COX10: variants seen among roughly 807,000 people sequenced by gnomAD.
COX10 encodes cytochrome c oxidase assembly factor heme A:farnesyltransferase COX10.
In COX10, 27 loss-of-function variants were observed where a neutral mutation model predicts 37.3. The observed-to-expected ratio is 0.72, with a 90% CI of 0.53 to 1.00. The LOEUF is 1.00. Ranked by LOEUF, COX10 falls within the 50% of genes least tolerant of loss-of-function variation. The pLI, the probability that COX10 is intolerant of heterozygous loss-of-function variation, is 0.00. For synonymous variants in COX10, 222 were observed against 229.1 expected, an observed-to-expected ratio of 0.97 and a Z score of 0.28; for missense variants, 475 against 563.2, an observed-to-expected ratio of 0.84 and a Z score of 1.59.
At chr17:14,125,997 G>A (rs576955369) in intron 4 of COX10, among the ~76,000 whole-genome samples, 13 of 152,212 alleles carry the variant, frequency 8.5e-5, no homozygotes, top group East Asian at 7.7e-4. Flanking sequence ...TGTTTGCCAC[G>A]GAGAACTCTC....
At chr17:14,189,154 C>T (rs1906126827) in intron 5 of COX10, among the ~76,000 whole-genome samples, 1 of 146,542 alleles carries the variant, frequency 6.8e-6, no homozygotes, top group South Asian at 2.2e-4. Flanking sequence ...GAAAGCCCTG[C>T]TCTTGTCTGC....
intron 5 of COX10, among the ~76,000 whole-genome samples, chr17:14,169,199 C>T (rs978035040): frequency 6.6e-6 from 1 of 152,214 alleles, no homozygotes; most frequent in African/African-American, 2.4e-5. Context: ...ATCTCTAGGG[C>T]AGGGGCATAA....
At chr17:14,082,013 G>C (rs985669658) in intron 3 of COX10, among the ~76,000 whole-genome samples, 2 of 152,224 alleles carry the variant, frequency 1.3e-5, no homozygotes, top group African/African-American at 4.8e-5. Flanking sequence ...GCAGGGGGCT[G>C]TGAAAGGCAA....
chr17:14,149,014 ATATATT>A (rs527540284), intron 4 of COX10, among the ~76,000 whole-genome samples: 44 of 148,498 alleles, frequency 3.0e-4, no homozygotes, highest in African/African-American at 1.1e-3. Context: ...ATATATAACA[ATATATT>A]TATAATATAT....
intron 5 of COX10, among the ~76,000 whole-genome samples, chr17:14,181,491 G>A (rs370988590): frequency 6.6e-6 from 1 of 151,728 alleles, no homozygotes; most frequent in Non-Finnish European, 1.5e-5. Flanking sequence ...AAGCAGCAGA[G>A]ATGGATAGTT....
intron 3 of COX10, among the ~76,000 whole-genome samples, chr17:14,091,555 A>AAT (rs1421224010): frequency 6.6e-6 from 1 of 152,210 alleles, no homozygotes; most frequent in Admixed American, 6.6e-5. Context: ...ATGATACATT[A>AAT]ATATATATGT....
intron 4 of COX10, among the ~76,000 whole-genome samples, chr17:14,150,797 T>C (rs1904872561): frequency 6.6e-6 from 1 of 152,182 alleles, no homozygotes; most frequent in African/African-American, 2.4e-5. Flanking sequence ...AGAAGGCAGG[T>C]GCAGTACAAG....
At chr17:14,193,667 T>A (rs1486637603) in intron 6 of COX10, among the ~76,000 whole-genome samples, 2 of 146,186 alleles carry the variant, frequency 1.4e-5, no homozygotes, top group African/African-American at 5.0e-5. Flanking sequence ...ATCTGCGTGT[T>A]CATCCTGGTT....
intron 5 of COX10, among the ~76,000 whole-genome samples, chr17:14,173,063 A>G (rs144933390): frequency 9.3e-4 from 141 of 152,242 alleles, no homozygotes; most frequent in African/African-American, 3.2e-3. Context: ...TGTTTTTACT[A>G]TTGAGTTGTT....
chr17:14,201,348 T>G (rs1440005590), intron 6 of COX10, among the ~76,000 whole-genome samples: 1 of 152,212 alleles, frequency 6.6e-6, no homozygotes, highest in Non-Finnish European at 1.5e-5. Flanking sequence ...AAGCCGTGTG[T>G]GGGTGGTGGT....
At chr17:14,104,573 T>A (rs1915851548) in intron 4 of COX10, among the ~76,000 whole-genome samples, 1 of 152,126 alleles carries the variant, frequency 6.6e-6, no homozygotes, top group African/African-American at 2.4e-5. Context: ...TCTTCACTTC[T>A]AATAAAATTC....
intron 6 of COX10, among the ~76,000 whole-genome samples, chr17:14,198,329 G>T (rs550121570): frequency 2.3e-4 from 35 of 152,192 alleles, no homozygotes; most frequent in Non-Finnish European, 4.3e-4. Context: ...GTGTATCTCA[G>T]AGGCTTTGGG....
intron 4 of COX10, among the ~76,000 whole-genome samples, chr17:14,106,944 C>T (rs1335916197): frequency 2.0e-5 from 3 of 152,164 alleles, no homozygotes; most frequent in Admixed American, 6.5e-5. Flanking sequence ...CATGTTTTTA[C>T]AGTGAGGTCT....
chr17:14,105,981 C>T (rs1472187797), intron 4 of COX10, among the ~76,000 whole-genome samples: 2 of 151,020 alleles, frequency 1.3e-5, no homozygotes, highest in Non-Finnish European at 2.9e-5. Flanking sequence ...ATGGACATCT[C>T]GCCATGTCAG....
intron 4 of COX10, among the ~76,000 whole-genome samples, chr17:14,106,021 GT>G (rs5819457): frequency 0.98 from 148,181 of 151,152 alleles, 72,654 homozygotes; most frequent in Non-Finnish European, 1. Flanking sequence ...TTTTGTTTTT[GT>G]TTTTTTTTGA....
intron 4 of COX10, among the ~76,000 whole-genome samples, chr17:14,138,755 T>G (rs1342244771): frequency 6.6e-6 from 1 of 152,168 alleles, no homozygotes; most frequent in Non-Finnish European, 1.5e-5. Context: ...TATAAACAAG[T>G]GTCTTATCTC....
chr17:14,167,889 T>G (rs1222076377), intron 5 of COX10, among the ~76,000 whole-genome samples: 1 of 152,184 alleles, frequency 6.6e-6, no homozygotes, highest in Admixed American at 6.5e-5. Flanking sequence ...ATTCCACCCC[T>G]GGCTCCTCCC....
At chr17:14,202,894 A>C (rs1906589230) in intron 6 of COX10, among the ~76,000 whole-genome samples, 1 of 152,084 alleles carries the variant, frequency 6.6e-6, no homozygotes, top group Non-Finnish European at 1.5e-5. Context: ...CTTTCCCAGC[A>C]TCCAGTAGAG....
rs1905452976 is a variant in COX10, at chr17:14,171,126, A to G, written c.695+11179A>G. Among the ~76,000 whole-genome samples, 4 of 152,146 alleles carry G rather than the reference A, an allele frequency of 2.6e-5. No individual in the cohort carries two copies. The South Asian group carries it at 8.3e-4, about 32-fold the overall frequency. On this transcript the variant is annotated intron_variant, in intron 5 of 6. Coordinates refer to ENST00000261643, the MANE Select transcript of COX10 (RefSeq NM_001303.4). ...TCCATTATGATTAAGTTGGTAGGCA[A>G]AAAATACTCAGTGGAAAGTAGAGTG...
Sources: allele counts gnomAD v4.1 joint callset (sites outside exome capture counted in the v4.1 genomes callset), GRCh38; gene constraint gnomAD v4.1.1; transcripts MANE v1.5; gene names NCBI Gene and HGNC (gene_info 2026-07-23, HGNC 2026-07-21).